PKP2: variants seen among roughly 807,000 people sequenced by gnomAD.
PKP2 encodes plakophilin 2.
A neutral mutation model predicts 83.4 loss-of-function variants in PKP2; 73 were observed. The observed-to-expected ratio is 0.88, with a 90% CI of 0.72 to 1.06. The LOEUF (loss-of-function observed/expected upper bound fraction) is 1.06, where lower values mean the gene tolerates loss of function less well. Ranked by LOEUF, PKP2 falls within the 50% of genes least tolerant of loss-of-function variation. The pLI, the probability that PKP2 is intolerant of heterozygous loss-of-function variation, is 0.00. For missense variants in PKP2, 966 were observed against 1,065.4 expected (o/e 0.91, Z 1.30); for synonymous variants, 409 against 430.4 (o/e 0.95, Z 0.62).
chr12:32,793,612 G>GTTTTTTTTTT lies in PKP2; in HGVS notation c.2358-882_2358-881insAAAAAAAAAA, dbSNP rs1565571416. Among the ~76,000 whole-genome samples, 5 of 94,294 alleles carry GTTTTTTTTTT rather than the reference G, an allele frequency of 5.3e-5. No homozygotes were observed. The East Asian group carries it at 9.5e-4, about 18-fold the overall frequency. 61.9% of individuals were successfully genotyped at this position (94,294 alleles called of 152,430 possible). A position where few individuals can be genotyped will look rare whatever the true frequency, so the allele number is the denominator to read the frequency against. ...AACTGTACTTAGTCTTTCATATTCT[G>GTTTTTTTTTT]CTTTTTTTTTTTTTTTTTTTTTTTT... On this transcript the variant is annotated intron_variant, in intron 11 of 12. Coordinates refer to ENST00000340811, the MANE Select transcript of PKP2 (RefSeq NM_001005242.3).
intron 10 of PKP2, among the ~76,000 whole-genome samples, chr12:32,801,295 T>C (rs181304429): frequency 1.7e-3 from 252 of 152,300 alleles, no homozygotes; most frequent in African/African-American, 5.6e-3. Flanking sequence ...GTTTTAAAGA[T>C]GGAGTCAATT....
chr12:32,840,967 C>A, intron 6 of PKP2, 61 bp downstream of exon 6: 1 of 1,264,300 alleles, frequency 7.9e-7, no homozygotes. Context: ...ATCCTGACTT[C>A]CTTGGGGCTA....
rs1197713343 is a variant in PKP2, at chr12:32,892,822, G to GT, written c.223+3686_223+3687insA. Among the ~76,000 whole-genome samples, 3 of 125,158 alleles carry GT rather than the reference G, an allele frequency of 2.4e-5. 1 individual carries two copies. Among genetic ancestry groups the GT allele is most frequent in the Non-Finnish European group, 5.3e-5 (3 of 56,316 alleles). 82.1% of individuals were successfully genotyped at this position (125,158 alleles called of 152,430 possible). A position where few individuals can be genotyped will look rare whatever the true frequency, so the allele number is the denominator to read the frequency against. On this transcript the variant is annotated intron_variant, in intron 1 of 12. Transcript: ENST00000340811. ...CTCAGATACCTGGGGTGGGGGCGGG[G>GT]GGGGGGGGAGAACTGTGTAGCAAGT...
chr12:32,809,818 G>A (rs1956261591), intron 9 of PKP2, among the ~76,000 whole-genome samples: 1 of 152,128 alleles, frequency 6.6e-6, no homozygotes, highest in South Asian at 2.1e-4. Context: ...GCTGGGGGTG[G>A]GGGTTCCTTT....
chr12:32,845,539 G>A (rs1009294885), intron 5 of PKP2, among the ~76,000 whole-genome samples: 2 of 152,066 alleles, frequency 1.3e-5, no homozygotes, highest in South Asian at 2.1e-4. Flanking sequence ...GCAACAGAGC[G>A]AGACTCCGTC....
At chr12:32,837,480 G>C (rs1275576321) in intron 6 of PKP2, among the ~76,000 whole-genome samples, 1 of 152,242 alleles carries the variant, frequency 6.6e-6, no homozygotes, top group East Asian at 1.9e-4. Flanking sequence ...AACAATAAAT[G>C]TTAGCTATTA....
intron 9 of PKP2, 25 bp downstream of exon 9, chr12:32,821,331 G>GT: frequency 6.2e-7 from 1 of 1,600,520 alleles, no homozygotes; most frequent in Non-Finnish European, 8.6e-7. Context: ...ATTTTAAAAA[G>GT]TAGGAAATCA....
chr12:32,842,916 G>A (rs1408534300), intron 5 of PKP2, among the ~76,000 whole-genome samples: 1 of 151,384 alleles, frequency 6.6e-6, no homozygotes, highest in Admixed American at 6.6e-5. Flanking sequence ...CTGGTGATCC[G>A]CCCACCTCGG....
intron 6 of PKP2, among the ~76,000 whole-genome samples, chr12:32,840,718 C>T (rs771615545): frequency 2.9e-4 from 44 of 152,098 alleles, no homozygotes; most frequent in African/African-American, 1.1e-3. Flanking sequence ...AACATCTTAT[C>T]ATAATAAATT....
At chr12:32,888,356 ATTATT>A (rs1362426548) in intron 1 of PKP2, among the ~76,000 whole-genome samples, 1 of 152,236 alleles carries the variant, frequency 6.6e-6, no homozygotes, top group Non-Finnish European at 1.5e-5. Context: ...GAACTCACAA[ATTATT>A]TTTTGCTTTA....
intron 6 of PKP2, 117 bp downstream of exon 6, chr12:32,840,911 C>A: frequency 2.6e-6 from 2 of 768,750 alleles, no homozygotes; most frequent in Non-Finnish European, 4.6e-6. Context: ...AATAAACAAA[C>A]CATCAAACAA....
chr12:32,816,792 G>C (rs552668587), intron 9 of PKP2, among the ~76,000 whole-genome samples: 1 of 138,208 alleles, frequency 7.2e-6, no homozygotes, highest in African/African-American at 2.7e-5. Context: ...TAAGTGGTAT[G>C]AGATGGCATC....
intron 4 of PKP2, among the ~76,000 whole-genome samples, chr12:32,853,908 G>C (rs1956723019): frequency 1.3e-5 from 2 of 152,178 alleles, no homozygotes; most frequent in South Asian, 4.1e-4. Flanking sequence ...GGTACGATCT[G>C]TTATTCTGCT....
rs766661152 is a variant in PKP2, at chr12:32,824,097, G to A, written c.1622C>T (p.Ser541Leu). Residue 541 changes from serine (S) to leucine (L), a missense_variant, in exon 7 of 13, where the codon TCA (serine) becomes TTA (leucine). By Grantham distance (145) the Ser-to-Leu change is moderately radical (BLOSUM62 -2). Coordinates refer to ENST00000340811, the MANE Select transcript of PKP2 (RefSeq NM_001005242.3). ...GGTTCCTCTGACATAATGGACCAGTGAGTCAATGAGTCCGTCACATCTTCT... is the reference window on the plus strand; with the variant it reads ...GGTTCCTCTGACATAATGGACCAGTAAGTCAATGAGTCCGTCACATCTTCT... ...AMRRCDGLID[S>L]LVHYVRGTIA... The A allele has an allele frequency of 1.9e-6, 3 of 1,612,356 alleles. No individual in the cohort carries two copies. The highest frequency in any genetic ancestry group is 3.3e-5 in the Admixed American group (2 of 60,016).
In PKP2 at chr12:32,878,246, G is replaced by A. The variant is rs766379716; in HGVS notation, c.634C>T (p.Arg212Cys). The change falls in exon 3 of 13, where the codon CGC (arginine) becomes TGC (cysteine). Residue 212 changes from arginine to cysteine, a missense_variant. Coordinates refer to ENST00000340811, the MANE Select transcript of PKP2 (RefSeq NM_001005242.3). ...VSRAGTTSRQ[R>C]HFDTYHRQYQ... The stretch of plus-strand genomic sequence containing the variant: ...TGTCTGTGGTATGTGTCAAAGTGGC[G>A]CTGCCTGCTTGTGGTGCCAGCACGG... 12 of 1,614,024 alleles carry A rather than the reference G, an allele frequency of 7.4e-6. No individual in the cohort carries two copies. Among genetic ancestry groups the A allele is most frequent in the Middle Eastern group, 1.6e-4 (1 of 6,084 alleles).
At chr12:32,889,093 G>A (rs1957055981) in intron 1 of PKP2, among the ~76,000 whole-genome samples, 1 of 152,162 alleles carries the variant, frequency 6.6e-6, no homozygotes, top group African/African-American at 2.4e-5. Context: ...TCAGAGGAGA[G>A]GGGTGAAGGA....
intron 10 of PKP2, among the ~76,000 whole-genome samples, chr12:32,798,657 A>T (rs1956153278): frequency 6.6e-6 from 1 of 152,218 alleles, no homozygotes. Flanking sequence ...TTAAGTGGGG[A>T]AAGGCCACCC....
At chr12:32,807,124 A>T (rs868604711) in intron 9 of PKP2, among the ~76,000 whole-genome samples, 29 of 152,224 alleles carry the variant, frequency 1.9e-4, no homozygotes, top group African/African-American at 6.8e-4. Flanking sequence ...TTTACTTCTG[A>T]TTATGTGAAC....
intron 3 of PKP2, among the ~76,000 whole-genome samples, 184 bp from the exon 4 acceptor site, chr12:32,869,246 A>T (rs1956877841): frequency 6.6e-6 from 1 of 151,968 alleles, no homozygotes; most frequent in Non-Finnish European, 1.5e-5. Context: ...CTGGATAGAA[A>T]TTCTTCAGCT....
Sources: allele counts gnomAD v4.1 joint callset (sites outside exome capture counted in the v4.1 genomes callset), GRCh38; gene constraint gnomAD v4.1.1; transcripts MANE v1.5; gene names NCBI Gene and HGNC (gene_info 2026-07-23, HGNC 2026-07-21).